Variants in UBE3B observed in about 807,000 individuals in gnomAD.
UBE3B encodes the protein ubiquitin protein ligase E3B.
A neutral mutation model predicts 132.3 loss-of-function variants in UBE3B; 80 were observed. The ratio of observed to expected loss-of-function variants is 0.60; its 90% CI spans 0.50 to 0.73. UBE3B has a LOEUF of 0.73. UBE3B is among the 30% of genes least tolerant of loss of function. UBE3B has a pLI of 0.00. For synonymous variants in UBE3B, 487 were observed against 520.4 expected (o/e 0.94, Z 0.87); for missense variants, 1,196 against 1,362.5 (o/e 0.88, Z 1.92).
At chr12:109,545,341 G>C in the UBE3B span, among the ~76,000 whole-genome samples, 1 of 152,236 alleles carries the variant, frequency 6.6e-6, no homozygotes, top group African/African-American at 2.4e-5. Context: ...CTGTGCCCCA[G>C]GCTGGGTGCT....
intron 17 of UBE3B, 51 bp downstream of exon 17, chr12:109,510,509 C>A (rs766009221): frequency 6.9e-7 from 1 of 1,442,874 alleles, no homozygotes. Context: ...TGCTCCGGCA[C>A]GCTGCCCGAG....
At chr12:109,489,833 G>T in intron 7 of UBE3B, 86 bp from the exon 8 acceptor site, 1 of 1,267,888 alleles carries the variant, frequency 7.9e-7, no homozygotes, top group South Asian at 1.2e-5. Flanking sequence ...TTAGGGCCTC[G>T]GATGTGGGAC....
intron 24 of UBE3B, among the ~76,000 whole-genome samples, chr12:109,527,790 CT>C (rs1882513965): frequency 6.6e-6 from 1 of 152,166 alleles, no homozygotes; most frequent in African/African-American, 2.4e-5. Context: ...GTAGCCATTC[CT>C]TTAGGGGGGT....
At chr12:109,485,051 A>G (rs1200391212) in intron 4 of UBE3B, among the ~76,000 whole-genome samples, 1 of 152,196 alleles carries the variant, frequency 6.6e-6, no homozygotes, top group Non-Finnish European at 1.5e-5. Context: ...GCTACCATCA[A>G]TGTTCTAATT....
chr12:109,541,877 C>T, the UBE3B span, among the ~76,000 whole-genome samples: 1 of 152,190 alleles, frequency 6.6e-6, no homozygotes. Context: ...TCCTCTTTCT[C>T]CTTCTCTTAG....
intron 9 of UBE3B, 32 bp downstream of exon 9, chr12:109,491,159 AT>A: frequency 6.3e-7 from 1 of 1,594,112 alleles, no homozygotes; most frequent in Non-Finnish European, 8.6e-7. Flanking sequence ...AGGTGTTGGC[AT>A]GTTCTTGAAT....
Position 109,510,370 on chromosome 12 carries a change from C to T in UBE3B, c.1768C>T (p.Leu590=). 6.2e-7 allele frequency: 1 copy of T among 1,611,240 alleles called. No homozygotes were observed. Among genetic ancestry groups the T allele is most frequent in the South Asian group, 1.1e-5 (1 of 90,156 alleles). ...GAACGCCAAGGGTGAGACCTTGGAGCTGTTCCAGTCTGTCCACGGGTGGCT... is the reference window on the plus strand; with the variant it reads ...GAACGCCAAGGGTGAGACCTTGGAGTTGTTCCAGTCTGTCCACGGGTGGCT... The part of the protein sequence containing the change: ...VENAKGETLE[L]FQSVHGWLMV... Residue 590 remains leucine (L), a synonymous_variant, in exon 17 of 28, where the codon CTG becomes TTG. Coordinates refer to ENST00000342494, the MANE Select transcript of UBE3B (RefSeq NM_130466.4).
chr12:109,523,745 C>G (rs1881977870), intron 21 of UBE3B, among the ~76,000 whole-genome samples: 2 of 152,222 alleles, frequency 1.3e-5, no homozygotes, highest in South Asian at 4.1e-4. Flanking sequence ...AGGATTTAAT[C>G]CCTGAGCACT....
At chr12:109,487,202 G>C (rs1463759766) in intron 6 of UBE3B, among the ~76,000 whole-genome samples, 1 of 152,162 alleles carries the variant, frequency 6.6e-6, no homozygotes, top group Non-Finnish European at 1.5e-5. Context: ...GTTCATCTCT[G>C]AACCAGTCAC....
chr12:109,510,516 C>A, intron 17 of UBE3B, 58 bp downstream of exon 17: 1 of 1,372,142 alleles, frequency 7.3e-7, no homozygotes, highest in East Asian at 2.4e-5. Context: ...GCACGCTGCC[C>A]GAGCACTCAG....
chr12:109,486,654 G>A (rs890406381), intron 6 of UBE3B, 79 bp downstream of exon 6: 15 of 1,159,174 alleles, frequency 1.3e-5, no homozygotes, highest in Non-Finnish European at 1.6e-5. Flanking sequence ...ACTTTAGTCT[G>A]TATTTTCAGA....
intron 24 of UBE3B, among the ~76,000 whole-genome samples, chr12:109,526,748 G>A (rs1184764293): frequency 1.3e-5 from 2 of 152,054 alleles, no homozygotes; most frequent in Admixed American, 6.6e-5. Context: ...GCTCATGCCT[G>A]TAATCCCAGC....
At chr12:109,499,901 TTTC>T in intron 12 of UBE3B, 91 bp downstream of exon 12, 1 of 1,220,432 alleles carries the variant, frequency 8.2e-7, no homozygotes, top group Non-Finnish European at 1.1e-6. Context: ...TGGTGTTTTG[TTTC>T]TTATTATAAA....
In UBE3B at chr12:109,529,965, C is replaced by T. The variant is rs773005902; in HGVS notation, c.2703C>T (p.Ser901=). Residue 901 remains serine, a synonymous_variant, in exon 25 of 28, where the codon AGC becomes AGT. Transcript: ENST00000342494. ...QIKNQTAALI[S]GFRSIIKPEW... ...AAAACCAAACAGCTGCCCTCATTAG[C>T]GGATTCCGTTCCATTATCAAACCCG... 8.1e-6 allele frequency: 13 copies of T among 1,614,048 alleles called. No individual in the cohort carries two copies. The highest frequency in any genetic ancestry group is 4.0e-5 in the African/African-American group (3 of 74,902).
intron 9 of UBE3B, among the ~76,000 whole-genome samples, chr12:109,495,769 C>G (rs563398823): frequency 4.6e-5 from 7 of 152,320 alleles, no homozygotes; most frequent in African/African-American, 1.7e-4. Context: ...GGAGCAAGTC[C>G]TTAAGGCACA....
the UBE3B span, among the ~76,000 whole-genome samples, chr12:109,547,457 A>G: frequency 3.3e-5 from 5 of 152,250 alleles, no homozygotes; most frequent in Admixed American, 2.0e-4. This position sits in a 1 kb window ranked among gnomAD's most constrained non-coding sequence, Gnocchi z 4.1. Context: ...GTACGCGCGC[A>G]CACACATGTA....
chr12:109,537,451 A>G (rs1262434384), downstream of UBE3B, among the ~76,000 whole-genome samples: 1 of 152,166 alleles, frequency 6.6e-6, no homozygotes, highest in Non-Finnish European at 1.5e-5. Flanking sequence ...GAAGCCCCTG[A>G]GGATCAGAGC....
At chr12:109,494,842 GC>G (rs1425146636) in intron 9 of UBE3B, among the ~76,000 whole-genome samples, 1 of 152,156 alleles carries the variant, frequency 6.6e-6, no homozygotes, top group Non-Finnish European at 1.5e-5. Context: ...TCCCAGTCAG[GC>G]AGGCAGGCCA....
intron 18 of UBE3B, 48 bp downstream of exon 18, chr12:109,511,351 A>T: frequency 6.4e-7 from 1 of 1,563,470 alleles, no homozygotes; most frequent in Non-Finnish European, 8.8e-7. Flanking sequence ...CTATTCCCCC[A>T]CGTGGTTCCT....
Sources: gnomAD v4.1 joint callset for allele counts (sites outside exome capture counted in the v4.1 genomes callset) on GRCh38, gnomAD v4.1.1 for gene constraint, Gnocchi (gnomAD v3.1) non-coding constraint, MANE v1.5 for transcripts, NCBI Gene and HGNC (gene_info 2026-07-23, HGNC 2026-07-21) for gene names.